The following LHFPL3 variants were observed in gnomAD, a reference collection of about 807,000 sequenced individuals.
The protein encoded by LHFPL3 is LHFPL tetraspan subfamily member 3.
In LHFPL3, 5 loss-of-function variants were observed where a neutral mutation model predicts 19.3. The observed-to-expected ratio is 0.26, with a 90% CI of 0.14 to 0.54. The LOEUF (loss-of-function observed/expected upper bound fraction) is 0.54, where lower values mean the gene tolerates loss of function less well. Ranked by LOEUF, LHFPL3 falls within the 20% of genes least tolerant of loss-of-function variation. LHFPL3 has a pLI of 0.94. For synonymous variants in LHFPL3, 133 were observed against 126.2 expected (o/e 1.05, Z -0.36); for missense variants, 249 against 307.4 (o/e 0.81, Z 1.42).
intron 1 of LHFPL3, among the ~76,000 whole-genome samples, chr7:104,336,293 AT>A (rs1789809386): frequency 6.6e-6 from 1 of 152,200 alleles, no homozygotes; most frequent in African/African-American, 2.4e-5. Context: ...TAATGCTCTT[AT>A]AAAAAGTCAC....
intron 1 of LHFPL3, among the ~76,000 whole-genome samples, chr7:104,403,725 T>TTCTCTCTCTCTCTCTCTCTCTCTCTCTC: frequency 7.0e-6 from 1 of 143,708 alleles, no homozygotes; most frequent in African/African-American, 2.6e-5. Flanking sequence ...TTAGTGAACA[T>TTCTCTCTCTCTCTCTCTCTCTCTCTCTC]TCTCTCTCTC....
At chr7:104,652,239 A>G (rs1245391771) in intron 1 of LHFPL3, among the ~76,000 whole-genome samples, 1 of 152,168 alleles carries the variant, frequency 6.6e-6, no homozygotes, top group Admixed American at 6.5e-5. Context: ...AATTGAAGCC[A>G]TGAATGAGGG....
intron 2 of LHFPL3, among the ~76,000 whole-genome samples, chr7:104,868,260 A>T (rs551235718): frequency 6.6e-6 from 1 of 152,244 alleles, no homozygotes; most frequent in South Asian, 2.1e-4. Flanking sequence ...AATAAAGGGT[A>T]TTCAATTAGG....
intron 1 of LHFPL3, among the ~76,000 whole-genome samples, chr7:104,379,668 G>T (rs373595525): frequency 3.9e-5 from 6 of 152,160 alleles, no homozygotes; most frequent in Non-Finnish European, 8.8e-5. Context: ...TGCTCCTAGG[G>T]CAAGATGTAA....
chr7:104,456,129 A>G (rs1022858634), intron 1 of LHFPL3, among the ~76,000 whole-genome samples: 1 of 152,200 alleles, frequency 6.6e-6, no homozygotes, highest in Non-Finnish European at 1.5e-5. Flanking sequence ...TATGTACTCT[A>G]CAAATAATGA....
At chr7:104,645,998 A>G (rs969319044) in intron 1 of LHFPL3, among the ~76,000 whole-genome samples, 2 of 152,074 alleles carry the variant, frequency 1.3e-5, no homozygotes, top group African/African-American at 4.8e-5. Flanking sequence ...ATTCTCCTGG[A>G]TAGGCTCCCC....
At chr7:104,632,518 A>G (rs2080483) in intron 1 of LHFPL3, among the ~76,000 whole-genome samples, 148,752 of 152,342 alleles carry the variant, frequency 0.98, 72,713 homozygotes, top group East Asian at 1. Flanking sequence ...CATTTTAAAA[A>G]GTGAGCAGTG....
At chr7:104,516,404 C>T (rs906654958) in intron 1 of LHFPL3, among the ~76,000 whole-genome samples, 108 of 152,162 alleles carry the variant, frequency 7.1e-4, no homozygotes, top group African/African-American at 2.6e-3. Flanking sequence ...CAAACCATAT[C>T]AACAAATTTC....
intron 1 of LHFPL3, among the ~76,000 whole-genome samples, chr7:104,599,567 G>A (rs2115687563): frequency 6.6e-6 from 1 of 152,288 alleles, no homozygotes; most frequent in East Asian, 1.9e-4. Flanking sequence ...CATTGAATTA[G>A]CATTTTCTGA....
intron 1 of LHFPL3, among the ~76,000 whole-genome samples, chr7:104,387,117 A>T (rs1350361743): frequency 2.0e-5 from 3 of 152,336 alleles, no homozygotes; most frequent in Middle Eastern, 3.4e-3. Flanking sequence ...ATGTCTAAAG[A>T]AATGAAGAGA....
chr7:104,367,144 T>A (rs905530951), intron 1 of LHFPL3, among the ~76,000 whole-genome samples: 9 of 152,314 alleles, frequency 5.9e-5, no homozygotes, highest in Middle Eastern at 3.4e-3. Flanking sequence ...GTGGATTAAT[T>A]ATATTCAGGT....
At chr7:104,857,087 G>C (rs576983934) in intron 2 of LHFPL3, among the ~76,000 whole-genome samples, 2 of 152,278 alleles carry the variant, frequency 1.3e-5, no homozygotes, top group African/African-American at 4.8e-5. Context: ...TTATGAAGTA[G>C]GTACAGGCAG....
At chr7:104,626,279 T>C (rs754486968) in intron 1 of LHFPL3, among the ~76,000 whole-genome samples, 14 of 152,182 alleles carry the variant, frequency 9.2e-5, no homozygotes, top group Non-Finnish European at 1.9e-4. Context: ...AGCATCAAAT[T>C]TCCTGCCTCT....
intron 2 of LHFPL3, among the ~76,000 whole-genome samples, chr7:104,809,692 A>G (rs1790429170): frequency 6.6e-6 from 1 of 152,238 alleles, no homozygotes; most frequent in Non-Finnish European, 1.5e-5. Flanking sequence ...GAATGGCTTA[A>G]AAAGTTTATT....
intron 2 of LHFPL3, among the ~76,000 whole-genome samples, chr7:104,840,474 C>CTTTTTTT (rs71155530): frequency 6.1e-5 from 4 of 65,540 alleles, no homozygotes; most frequent in African/African-American, 1.2e-4. Context: ...TTTTCTTTTC[C>CTTTTTTT]TTTTTTTTTT....
chr7:104,417,792 A>G (rs1378198317), intron 1 of LHFPL3, among the ~76,000 whole-genome samples: 3 of 152,168 alleles, frequency 2.0e-5, no homozygotes, highest in Non-Finnish European at 4.4e-5. Flanking sequence ...ACTCATGGTA[A>G]GTACACGAAT....
chr7:104,825,857 G>C (rs911077514), intron 2 of LHFPL3, among the ~76,000 whole-genome samples: 1 of 151,890 alleles, frequency 6.6e-6, no homozygotes, highest in African/African-American at 2.4e-5. Flanking sequence ...ATCCCGAGTT[G>C]AGTTAGCTCT....
intron 1 of LHFPL3, among the ~76,000 whole-genome samples, chr7:104,371,322 C>T (rs1790610407): frequency 6.6e-6 from 1 of 152,180 alleles, no homozygotes; most frequent in Non-Finnish European, 1.5e-5. Flanking sequence ...CTGGCAAGGA[C>T]ACGTGGTTTA....
At chr7:104,557,329 CA>C (rs1250779779) in intron 1 of LHFPL3, among the ~76,000 whole-genome samples, 1 of 152,170 alleles carries the variant, frequency 6.6e-6, no homozygotes, top group Non-Finnish European at 1.5e-5. Flanking sequence ...GGGGAGGCCT[CA>C]CAATCATGGC....
Sources: gnomAD v4.1 joint callset for allele counts (sites outside exome capture counted in the v4.1 genomes callset) on GRCh38, gnomAD v4.1.1 for gene constraint, MANE v1.5 for transcripts, NCBI Gene and HGNC (gene_info 2026-07-23, HGNC 2026-07-21) for gene names.